Variants in RYR2 observed in about 807,000 individuals in gnomAD.
RYR2 encodes the protein cardiac muscle ryanodine receptor-calcium release channel.
A neutral mutation model predicts 601.1 loss-of-function variants in RYR2; 227 were observed. That is an observed-to-expected ratio of 0.38 (90% CI 0.34 to 0.42). The LOEUF is 0.42. RYR2 is among the 10% of genes least tolerant of loss of function. The pLI is 1.00. For synonymous variants in RYR2, 2,223 were observed against 2,175.1 expected, an observed-to-expected ratio of 1.02 and a Z score of -0.61; for missense variants, 4,646 against 6,156.5, an observed-to-expected ratio of 0.75 and a Z score of 8.21.
chr1:237,735,468 G>A (rs921004192), intron 79 of RYR2, among the ~76,000 whole-genome samples: 1 of 152,182 alleles, frequency 6.6e-6, no homozygotes, highest in African/African-American at 2.4e-5. Context: ...GAATAGGAAA[G>A]GGAATCATTT....
chr1:237,758,273 G>A (rs1573830138), intron 82 of RYR2, among the ~76,000 whole-genome samples: 1 of 152,174 alleles, frequency 6.6e-6, no homozygotes, highest in African/African-American at 2.4e-5. Flanking sequence ...TAGATCCAGA[G>A]ACAGGAGTGA....
intron 56 of RYR2, among the ~76,000 whole-genome samples, chr1:237,661,234 A>G (rs951721816): frequency 5.9e-5 from 9 of 152,030 alleles, no homozygotes; most frequent in Non-Finnish European, 1.2e-4. Context: ...TTCTCAGCAA[A>G]CTAACACAGG....
rs1687731816 is a variant in RYR2 at position 237,699,001 on chromosome 1, T to C, written c.9104T>C (p.Ile3035Thr). 6.4e-7 allele frequency: 1 copy of C among 1,554,280 alleles called. No homozygotes were observed. Among genetic ancestry groups the C allele is most frequent in the East Asian group, 2.3e-5 (1 of 42,702 alleles). Residue 3035 changes from isoleucine to threonine, a missense_variant, in exon 64 of 105, where the codon ATT (isoleucine) becomes ACT (threonine). Around this residue, in one of 17 missense-constraint regions of RYR2, gnomAD observed 1,497 missense variants for 1,842.6 expected, o/e 0.81. Transcript: ENST00000366574. ...DATSIVNCLH[I>T]LGQTLDARTV... ...ACATCAATTGTCAACTGTCTTCATA[T>C]TTTGGGTCAGACTTTGGATGCAAGG...
At chr1:237,442,341 CAACT>C (rs1219265763) in intron 13 of RYR2, among the ~76,000 whole-genome samples, 1 of 152,028 alleles carries the variant, frequency 6.6e-6, no homozygotes, top group Non-Finnish European at 1.5e-5. Flanking sequence ...ATAAAAATTT[CAACT>C]ATAAAAAAGT....
At chr1:237,533,092 T>G (rs1182642957) in intron 25 of RYR2, among the ~76,000 whole-genome samples, 1 of 152,156 alleles carries the variant, frequency 6.6e-6, no homozygotes, top group Admixed American at 6.5e-5. Context: ...TTAATGCATA[T>G]TCCTTGTGTT....
chr1:237,148,561 C>CATAT (rs1558320364), intron 1 of RYR2, among the ~76,000 whole-genome samples: 6 of 109,744 alleles, frequency 5.5e-5, no homozygotes, highest in African/African-American at 2.2e-4. Flanking sequence ...TATACACACA[C>CATAT]ACATATATAT....
Position 237,589,913 on chromosome 1 carries a change from C to A in RYR2, c.3719C>A (p.Ala1240Asp). The A allele has an allele frequency of 1.2e-6, 2 of 1,613,878 alleles. No homozygotes were observed. Among genetic ancestry groups the A allele is most frequent in the Non-Finnish European group, 1.7e-6 (2 of 1,179,842 alleles). The stretch of plus-strand genomic sequence containing the variant: ...TTACAAGAGGGCTATGAACCATTTG[C>A]CGTTAATACAAACAGGGATATTACC... ...CGLQEGYEPF[A>D]VNTNRDITMW... Residue 1240 changes from alanine to aspartate, a missense_variant, in exon 30 of 105, where the codon GCC becomes GAC. Around this residue, in one of 17 missense-constraint regions of RYR2, gnomAD observed 1,807 missense variants for 2,088.1 expected, o/e 0.87. Transcript: ENST00000366574.
chr1:237,790,426 G>A (rs542274159), intron 92 of RYR2, among the ~76,000 whole-genome samples: 7 of 151,960 alleles, frequency 4.6e-5, no homozygotes, highest in South Asian at 2.1e-4. Flanking sequence ...ACTTTCTAAC[G>A]GGTCCTCTTG....
chr1:237,280,809 G>A (rs2149381418), intron 2 of RYR2, among the ~76,000 whole-genome samples: 1 of 150,588 alleles, frequency 6.6e-6, no homozygotes, highest in Non-Finnish European at 1.5e-5. Flanking sequence ...TTCTGAGATG[G>A]AGTCTCACTC....
intron 25 of RYR2, among the ~76,000 whole-genome samples, chr1:237,547,086 A>T (rs1488323425): frequency 2.0e-5 from 3 of 149,988 alleles, no homozygotes; most frequent in Non-Finnish European, 4.4e-5. Flanking sequence ...CCTCACTGCA[A>T]TCTCTGCCTC....
intron 1 of RYR2, among the ~76,000 whole-genome samples, chr1:237,054,127 C>T (rs1267759095): frequency 6.6e-6 from 1 of 152,054 alleles, no homozygotes; most frequent in Non-Finnish European, 1.5e-5. Flanking sequence ...GCTGGCGAGC[C>T]CAGGGTTTTC....
At chr1:237,425,542 G>C (rs542049438) in intron 12 of RYR2, among the ~76,000 whole-genome samples, 1 of 152,190 alleles carries the variant, frequency 6.6e-6, no homozygotes, top group East Asian at 1.9e-4. Flanking sequence ...GCTGAGGCAG[G>C]AGAATCGCTT....
chr1:237,657,044 G>A (rs1450010299), intron 53 of RYR2, among the ~76,000 whole-genome samples: 2 of 152,260 alleles, frequency 1.3e-5, no homozygotes, highest in East Asian at 3.9e-4. Context: ...CATGGTTTTG[G>A]TGTTGGTTGA....
At chr1:237,386,300 G>A (rs990680085) in intron 8 of RYR2, among the ~76,000 whole-genome samples, 1 of 152,192 alleles carries the variant, frequency 6.6e-6, no homozygotes, top group Admixed American at 6.5e-5. Flanking sequence ...GGTGACTTGA[G>A]AATAGTATCT....
intron 6 of RYR2, among the ~76,000 whole-genome samples, chr1:237,372,226 T>C (rs1700698994): frequency 6.6e-6 from 1 of 152,226 alleles, no homozygotes; most frequent in African/African-American, 2.4e-5. Context: ...GATTTAATAA[T>C]ATCATTTCTT....
intron 17 of RYR2, among the ~76,000 whole-genome samples, chr1:237,487,536 TGA>T (rs1662821508): frequency 8.1e-6 from 1 of 122,802 alleles, no homozygotes; most frequent in Admixed American, 1.0e-4. Context: ...GGCAACATAA[TGA>T]GACCACCCCC....
intron 36 of RYR2, among the ~76,000 whole-genome samples, chr1:237,612,348 A>T (rs1291422762): frequency 1.3e-5 from 2 of 151,998 alleles, no homozygotes; most frequent in East Asian, 3.8e-4. Context: ...AACTCAACTT[A>T]TAGTTATAGT....
intron 2 of RYR2, among the ~76,000 whole-genome samples, chr1:237,289,621 A>G (rs562845635): frequency 1.3e-5 from 2 of 150,394 alleles, no homozygotes; most frequent in African/African-American, 2.4e-5. Context: ...CCATGATTCA[A>G]TTACCTCCCA....
intron 16 of RYR2, among the ~76,000 whole-genome samples, chr1:237,457,515 A>G (rs1484673072): frequency 2.0e-5 from 3 of 152,228 alleles, no homozygotes; most frequent in African/African-American, 7.2e-5. Flanking sequence ...AAATAGCTGT[A>G]GAGATTGGCT....
Sources: allele counts gnomAD v4.1 joint callset (sites outside exome capture counted in the v4.1 genomes callset), GRCh38; gene constraint gnomAD v4.1.1; regional missense constraint gnomAD v4.1.1; transcripts MANE v1.5; gene names NCBI Gene and HGNC (gene_info 2026-07-23, HGNC 2026-07-21).